GAS7: variants seen among roughly 807,000 people sequenced by gnomAD.
GAS7 encodes growth arrest-specific protein 7.
Under a neutral mutation model 71.1 loss-of-function variants are expected in GAS7, and 28 were observed. The ratio of observed to expected loss-of-function variants is 0.39; its 90% CI spans 0.29 to 0.54. GAS7 has a LOEUF of 0.54. GAS7 is among the 20% of genes least tolerant of loss of function. The pLI, the probability that GAS7 is intolerant of heterozygous loss-of-function variation, is 0.62. For synonymous variants in GAS7, 258 were observed against 245.8 expected, an observed-to-expected ratio of 1.05 and a Z score of -0.46; for missense variants, 436 against 627.8, an observed-to-expected ratio of 0.69 and a Z score of 3.27.
chr17:9,921,374 C>G (rs1385286091), intron 11 of GAS7, among the ~76,000 whole-genome samples: 1 of 152,002 alleles, frequency 6.6e-6, no homozygotes, highest in East Asian at 1.9e-4. Context: ...CCAGGCTAGT[C>G]TCGAACTCCT....
In GAS7 at chr17:9,925,459, G is replaced by C. The variant is rs796796999; in HGVS notation, c.1138+17C>G. The C allele has an allele frequency of 6.2e-7, 1 of 1,613,466 alleles. No individual in the cohort carries two copies. Among genetic ancestry groups the C allele is most frequent in the East Asian group, 2.2e-5 (1 of 44,874 alleles). On this transcript the variant is annotated intron_variant, in intron 11 of 13. Transcript: ENST00000432992. ...TCTGTGTGCACTGACCAGGCCAGGC[G>C]GGTGCCCAGCACTTACCAGCCTGTG...
intron 1 of GAS7, among the ~76,000 whole-genome samples, chr17:10,173,756 A>G (rs2142134142): frequency 6.6e-6 from 1 of 150,490 alleles, no homozygotes; most frequent in African/African-American, 2.4e-5. Flanking sequence ...GGACAGAGCT[A>G]GACTCCGTCT....
chr17:10,188,777 T>A (rs1039868245), intron 1 of GAS7, among the ~76,000 whole-genome samples: 1 of 152,156 alleles, frequency 6.6e-6, no homozygotes, highest in Non-Finnish European at 1.5e-5. Flanking sequence ...TAGCTGGGGC[T>A]ACAGGCATGA....
chr17:9,918,155 C>T, intron 12 of GAS7, 56 bp from the exon 13 acceptor site: 9 of 1,284,078 alleles, frequency 7.0e-6, no homozygotes, highest in Non-Finnish European at 9.0e-6. Context: ...ACTTGGGGGT[C>T]CCCCCACCAA....
At chr17:9,982,896 C>T (rs1040709086) in intron 2 of GAS7, among the ~76,000 whole-genome samples, 7 of 151,630 alleles carry the variant, frequency 4.6e-5, no homozygotes, top group Admixed American at 4.6e-4. Context: ...AGAGAGAAAA[C>T]TAATACTGCA....
chr17:10,127,770 A>T (rs1220826912), intron 1 of GAS7, among the ~76,000 whole-genome samples: 1 of 152,206 alleles, frequency 6.6e-6, no homozygotes, highest in African/African-American at 2.4e-5. Context: ...AGCTCCAACC[A>T]GGCGAAGTGG....
intron 2 of GAS7, among the ~76,000 whole-genome samples, chr17:9,991,475 G>C (rs753829358): frequency 2.0e-5 from 3 of 152,194 alleles, no homozygotes; most frequent in Non-Finnish European, 4.4e-5. Context: ...CAGAGGCCCC[G>C]TCAGTGTCCT....
intron 1 of GAS7, among the ~76,000 whole-genome samples, chr17:10,196,778 G>T (rs1332794604): frequency 6.6e-6 from 1 of 152,156 alleles, no homozygotes; most frequent in Non-Finnish European, 1.5e-5. Flanking sequence ...CTATCCCAGG[G>T]CTTCAAGCTA....
At chr17:9,955,554 T>C (rs945450273) in intron 5 of GAS7, among the ~76,000 whole-genome samples, 1 of 152,176 alleles carries the variant, frequency 6.6e-6, no homozygotes, top group South Asian at 2.1e-4. Flanking sequence ...AAGTCACTTA[T>C]GCAAGATCAC....
intron 1 of GAS7, among the ~76,000 whole-genome samples, chr17:10,072,036 G>A (rs1474155382): frequency 1.3e-5 from 2 of 152,082 alleles, no homozygotes; most frequent in Non-Finnish European, 2.9e-5. Context: ...AGGATGAGGA[G>A]AAATGCTGCC....
At chr17:10,183,969 T>C (rs2074435007) in intron 1 of GAS7, among the ~76,000 whole-genome samples, 2 of 152,056 alleles carry the variant, frequency 1.3e-5, no homozygotes, top group East Asian at 1.9e-4. Flanking sequence ...CTCCCAGGGG[T>C]TTCTGGCCGA....
At chr17:10,115,215 C>A (rs1055086794) in intron 1 of GAS7, among the ~76,000 whole-genome samples, 1 of 152,218 alleles carries the variant, frequency 6.6e-6, no homozygotes, top group East Asian at 1.9e-4. Context: ...CTTCTCTGAG[C>A]GAGAGCCTGG....
At chr17:10,093,691 A>G (rs912612932) in intron 1 of GAS7, among the ~76,000 whole-genome samples, 2 of 152,120 alleles carry the variant, frequency 1.3e-5, no homozygotes, top group African/African-American at 2.4e-5. Context: ...TTATGCGGGG[A>G]AAAAATCAAA....
intron 1 of GAS7, among the ~76,000 whole-genome samples, chr17:10,035,899 A>G (rs1314214890): frequency 6.6e-6 from 1 of 152,126 alleles, no homozygotes; most frequent in African/African-American, 2.4e-5. Flanking sequence ...TGACCCCAGG[A>G]GCTCCCACTT....
chr17:10,132,851 C>A (rs2142088537), intron 1 of GAS7, among the ~76,000 whole-genome samples: 1 of 152,136 alleles, frequency 6.6e-6, no homozygotes, highest in Admixed American at 6.5e-5. Flanking sequence ...CATGTAGCAA[C>A]ATTTAAAATT....
At chr17:10,011,493 C>T (rs1251331171) in intron 2 of GAS7, among the ~76,000 whole-genome samples, 1 of 152,212 alleles carries the variant, frequency 6.6e-6, no homozygotes, top group Non-Finnish European at 1.5e-5. Context: ...GTGAACATAT[C>T]CACTAAGTGA....
chr17:9,929,895 CT>C (rs150554759), intron 9 of GAS7, among the ~76,000 whole-genome samples: 1,767 of 152,210 alleles, frequency 0.012, 83 homozygotes, highest in East Asian at 0.077. Flanking sequence ...GAAGTCCTTC[CT>C]CAAAGTGTCC....
At chr17:10,067,506 C>A (rs1490450929) in intron 1 of GAS7, among the ~76,000 whole-genome samples, 1 of 152,156 alleles carries the variant, frequency 6.6e-6, no homozygotes, top group Non-Finnish European at 1.5e-5. Context: ...TCCCAAAGTG[C>A]TGGGATTACA....
chr17:10,062,096 T>C (rs977212755), intron 1 of GAS7, among the ~76,000 whole-genome samples: 2 of 152,204 alleles, frequency 1.3e-5, no homozygotes, highest in Non-Finnish European at 2.9e-5. Context: ...CCCAGGTGCA[T>C]GTCCACGGAG....
Sources: gnomAD v4.1 joint callset for allele counts (sites outside exome capture counted in the v4.1 genomes callset) on GRCh38, gnomAD v4.1.1 for gene constraint, MANE v1.5 for transcripts, NCBI Gene and HGNC (gene_info 2026-07-23, HGNC 2026-07-21) for gene names.